The following LINGO2 variants were observed in gnomAD, a reference collection of about 807,000 sequenced individuals.
LINGO2 encodes leucine rich repeat and Ig domain containing 2, also known as leucine-rich repeat and immunoglobulin-like domain-containing nogo receptor-interacting protein 2.
LINGO2 carries 14 observed loss-of-function variants against 30.6 expected under a neutral mutation model. The observed-to-expected ratio is 0.46, with a 90% CI of 0.30 to 0.72. The LOEUF is 0.72. Ranked by LOEUF, LINGO2 falls within the 30% of genes least tolerant of loss-of-function variation. The probability of loss-of-function intolerance (pLI) is 0.07; values close to 1 mark genes in which losing one functional copy is unlikely to be tolerated. For missense variants in LINGO2, 729 were observed against 751.7 expected, an observed-to-expected ratio of 0.97 and a Z score of 0.35; for synonymous variants, 317 against 288.5, an observed-to-expected ratio of 1.10 and a Z score of -1.00.
At chr9:28,444,828 C>T (rs1389513531) in intron 2 of LINGO2, among the ~76,000 whole-genome samples, 2 of 152,174 alleles carry the variant, frequency 1.3e-5, no homozygotes, top group Admixed American at 6.5e-5. Flanking sequence ...ACTTACATAC[C>T]CCTTGCCACT....
intron 2 of LINGO2, among the ~76,000 whole-genome samples, chr9:28,441,286 T>C (rs1010831162): frequency 1.9e-5 from 2 of 107,632 alleles, no homozygotes; most frequent in South Asian, 6.7e-4. Flanking sequence ...TTTTTTTTTT[T>C]TTTGGTGAAT....
intron 4 of LINGO2, among the ~76,000 whole-genome samples, chr9:28,282,095 A>G (rs1279571851): frequency 2.0e-5 from 3 of 152,108 alleles, no homozygotes; most frequent in Admixed American, 1.3e-4. Context: ...ACCTGGGTGG[A>G]ATTTGATTAG....
the LINGO2 span, among the ~76,000 whole-genome samples, chr9:28,965,424 G>GA: frequency 4.6e-5 from 7 of 151,942 alleles, no homozygotes; most frequent in Admixed American, 2.6e-4. Context: ...CTGGGCACAA[G>GA]AAAACATTCA....
At chr9:28,719,509 C>A in the LINGO2 span, among the ~76,000 whole-genome samples, 4 of 152,042 alleles carry the variant, frequency 2.6e-5, no homozygotes, top group Admixed American at 2.6e-4. Flanking sequence ...CAATCCTCAT[C>A]CTATTTGACT....
intron 1 of LINGO2, among the ~76,000 whole-genome samples, chr9:28,498,169 C>G (rs1458152702): frequency 6.6e-6 from 1 of 152,136 alleles, no homozygotes; most frequent in Non-Finnish European, 1.5e-5. Flanking sequence ...GGGAGAACCG[C>G]TACTCTCTTC....
At chr9:27,939,815 G>A in the LINGO2 span, 2 of 152,140 alleles carry the variant, frequency 1.3e-5, no homozygotes, top group Non-Finnish European at 2.9e-5. Flanking sequence ...GAAATAATAT[G>A]AATAGTGATG....
intron 4 of LINGO2, among the ~76,000 whole-genome samples, chr9:28,245,422 T>G (rs759219875): frequency 2.6e-5 from 4 of 152,156 alleles, no homozygotes; most frequent in Non-Finnish European, 4.4e-5. Context: ...TCACCACTCC[T>G]ATTCAACATA....
chr9:28,864,790 A>T, the LINGO2 span, among the ~76,000 whole-genome samples: 1 of 152,154 alleles, frequency 6.6e-6, no homozygotes, highest in Non-Finnish European at 1.5e-5. Context: ...TTTAAATAAA[A>T]AATTTGTAGA....
chr9:28,210,350 T>C (rs1417396299), intron 4 of LINGO2, among the ~76,000 whole-genome samples: 1 of 151,578 alleles, frequency 6.6e-6, no homozygotes, highest in East Asian at 1.9e-4. Context: ...GTAATAATAT[T>C]ACTTTATTGT....
chr9:29,088,277 A>T, the LINGO2 span, among the ~76,000 whole-genome samples: 1 of 152,154 alleles, frequency 6.6e-6, no homozygotes, highest in Non-Finnish European at 1.5e-5. Flanking sequence ...AGGTTTGGTT[A>T]TCTAAGGATC....
the LINGO2 span, among the ~76,000 whole-genome samples, chr9:29,105,057 C>T: frequency 6.6e-6 from 1 of 152,082 alleles, no homozygotes; most frequent in East Asian, 1.9e-4. Flanking sequence ...CTTTTGTACC[C>T]TAAACCCAAA....
intron 2 of LINGO2, among the ~76,000 whole-genome samples, chr9:28,424,925 A>G (rs1587653619): frequency 6.6e-6 from 1 of 152,064 alleles, no homozygotes; most frequent in Admixed American, 6.6e-5. Context: ...GGATAAGTAT[A>G]TTAATTTCTC....
chr9:28,196,045 G>A (rs1819998718), intron 4 of LINGO2, among the ~76,000 whole-genome samples: 2 of 151,386 alleles, frequency 1.3e-5, no homozygotes, highest in African/African-American at 4.8e-5. Context: ...AAAACCGTTT[G>A]ATTATTTCTA....
chr9:28,373,892 C>T (rs888047499), intron 2 of LINGO2, among the ~76,000 whole-genome samples: 17 of 138,260 alleles, frequency 1.2e-4, no homozygotes, highest in African/African-American at 4.1e-4. Flanking sequence ...AAGAGCAAAA[C>T]TCCATCTCAA....
At chr9:29,094,990 G>A in the LINGO2 span, among the ~76,000 whole-genome samples, 96 of 133,428 alleles carry the variant, frequency 7.2e-4, 15 homozygotes, top group South Asian at 2.7e-3. Flanking sequence ...AAATATTCCC[G>A]TTTTTCATTC....
chr9:28,260,125 T>C (rs2134041806), intron 4 of LINGO2, among the ~76,000 whole-genome samples: 1 of 151,888 alleles, frequency 6.6e-6, no homozygotes, highest in Non-Finnish European at 1.5e-5. Flanking sequence ...ATCCATAAAT[T>C]CAGAAATTAT....
the LINGO2 span, among the ~76,000 whole-genome samples, chr9:29,110,574 C>T: frequency 1.3e-5 from 2 of 152,074 alleles, no homozygotes; most frequent in South Asian, 2.1e-4. Flanking sequence ...CCTCGTGATC[C>T]GCCCGCCTCG....
At chr9:28,767,760 T>C in the LINGO2 span, among the ~76,000 whole-genome samples, 3 of 120,752 alleles carry the variant, frequency 2.5e-5, no homozygotes, top group African/African-American at 6.2e-5. Context: ...CACTCCAGCC[T>C]GGGCAATAGA....
chr9:28,231,060 T>C (rs554940028), intron 4 of LINGO2, among the ~76,000 whole-genome samples: 35 of 151,932 alleles, frequency 2.3e-4, no homozygotes, highest in African/African-American at 7.7e-4. Flanking sequence ...TATACTAATA[T>C]ATAATATAGA....
Sources: gnomAD v4.1 joint callset for allele counts (sites outside exome capture counted in the v4.1 genomes callset) on GRCh38, gnomAD v4.1.1 for gene constraint, MANE v1.5 for transcripts, NCBI Gene and HGNC (gene_info 2026-07-23, HGNC 2026-07-21) for gene names.